STAG1: variants seen among roughly 807,000 people sequenced by gnomAD.
The protein encoded by STAG1 is cohesin subunit SA-1.
STAG1 carries 26 observed loss-of-function variants against 170.9 expected under a neutral mutation model. The observed-to-expected ratio is 0.15, with a 90% CI of 0.11 to 0.21. The LOEUF (loss-of-function observed/expected upper bound fraction) is 0.21, where lower values mean the gene tolerates loss of function less well. STAG1 is among the 10% of genes least tolerant of loss of function. STAG1 has a pLI of 1.00. For missense variants in STAG1, 964 were observed against 1,509.5 expected (o/e 0.64, Z 5.99); for synonymous variants, 514 against 497.7 (o/e 1.03, Z -0.44).
At position 136,725,368 on chromosome 3, in the gene STAG1, T is replaced by C. The variant is rs1933601895; in HGVS notation, c.-84+26827A>G. ...ATCTGACTAGCTTGACCAATGATCA[T>C]CAGTTGAGCTATTAACATTGCTGGT... is the stretch of plus-strand genomic sequence containing the variant. On this transcript the variant is annotated intron_variant, in intron 1 of 33. Transcript: ENST00000383202. Among the ~76,000 whole-genome samples the C allele has an allele frequency of 3.3e-5, 5 of 152,296 alleles. No homozygotes were observed. In the South Asian group the frequency reaches 1.0e-3, roughly 32 times the overall value.
rs1935725287 is a variant in STAG1, at chr3:136,337,374, A to G, written c.*880T>C. 6.6e-6 allele frequency: 1 copy of G among 152,662 alleles called. No individual in the cohort carries two copies. Among genetic ancestry groups the G allele is most frequent in the Admixed American group, 6.5e-5 (1 of 15,282 alleles). The allele number at this position is 152,662 out of a possible 1,614,324, so 9.5% of individuals were successfully genotyped here. ...AGGGCATGAAATAAGTGGTAAAAAC[A>G]GCAAACTGATAACTTGAGAATCATT... On this transcript the variant is annotated 3_prime_UTR_variant, in exon 34 of 34. Coordinates refer to ENST00000383202, the MANE Select transcript of STAG1 (RefSeq NM_005862.3).
intron 10 of STAG1, among the ~76,000 whole-genome samples, chr3:136,476,061 T>G (rs1269426582): frequency 6.6e-6 from 1 of 152,222 alleles, no homozygotes; most frequent in Non-Finnish European, 1.5e-5. Context: ...AGTGAGAATC[T>G]TGAACTCCCC....
intron 4 of STAG1, among the ~76,000 whole-genome samples, chr3:136,580,761 C>T (rs1227263120): frequency 2.0e-5 from 3 of 150,946 alleles, no homozygotes; most frequent in East Asian, 2.0e-4. Context: ...TCTCGATCTC[C>T]TGACCTCATG....
intron 14 of STAG1, among the ~76,000 whole-genome samples, chr3:136,449,211 T>C (rs1258297745): frequency 6.6e-6 from 1 of 152,070 alleles, no homozygotes; most frequent in Non-Finnish European, 1.5e-5. Flanking sequence ...CATGAATCAT[T>C]AGAATCAACC....
intron 1 of STAG1, among the ~76,000 whole-genome samples, chr3:136,751,809 G>GGGGGGGGC (rs1491421157): frequency 7.3e-5 from 4 of 54,538 alleles, no homozygotes; most frequent in South Asian, 5.1e-4. Flanking sequence ...GAGCCCGGGC[G>GGGGGGGGC]GGGGGGGGCG....
At chr3:136,435,554 TA>T (rs1230704834) in intron 15 of STAG1, among the ~76,000 whole-genome samples, 12 of 152,012 alleles carry the variant, frequency 7.9e-5, no homozygotes, top group African/African-American at 2.7e-4. Flanking sequence ...CTAGTACCAT[TA>T]AAAAAAATGA....
intron 1 of STAG1, among the ~76,000 whole-genome samples, chr3:136,705,644 A>G (rs1943208548): frequency 6.7e-6 from 1 of 149,450 alleles, no homozygotes; most frequent in South Asian, 2.1e-4. Flanking sequence ...TATAAAGAAG[A>G]GCTTTCCTGC....
intron 1 of STAG1, among the ~76,000 whole-genome samples, chr3:136,632,630 A>G (rs530865798): frequency 6.0e-4 from 92 of 152,230 alleles, no homozygotes; most frequent in African/African-American, 2.0e-3. Context: ...TAGAATAAAG[A>G]GTCTAAGGAG....
intron 1 of STAG1, among the ~76,000 whole-genome samples, chr3:136,641,902 T>G (rs1224047884): frequency 6.6e-6 from 1 of 152,204 alleles, no homozygotes; most frequent in East Asian, 1.9e-4. Context: ...TATTAAAGTA[T>G]GACATTATTT....
chr3:136,687,484 G>A (rs974270952), intron 1 of STAG1, among the ~76,000 whole-genome samples: 3 of 150,576 alleles, frequency 2.0e-5, no homozygotes, highest in African/African-American at 7.3e-5. Context: ...GGTGAAGCAG[G>A]GAATCTGCAT....
intron 5 of STAG1, among the ~76,000 whole-genome samples, chr3:136,564,136 T>C (rs1936963566): frequency 6.6e-6 from 1 of 152,214 alleles, no homozygotes; most frequent in African/African-American, 2.4e-5. Flanking sequence ...TCAATCACTG[T>C]CTTATATATG....
At position 136,524,806 on chromosome 3, in the gene STAG1, G is replaced by A. The variant is rs189288263; in HGVS notation, c.472-3389C>T. On this transcript the variant is annotated intron_variant, in intron 6 of 33. Coordinates refer to ENST00000383202, the MANE Select transcript of STAG1 (RefSeq NM_005862.3). ...ATTTATTGAGAGTTTTTAGCATGAA[G>A]GCTGTTGAATTTTGTCAAAGGCCTT... Among the ~76,000 whole-genome samples, 858 of 152,250 alleles carry A rather than the reference G, an allele frequency of 5.6e-3. 7 individuals carry two copies. The highest frequency in any genetic ancestry group is 0.019 in the African/African-American group (801 of 41,540).
Position 136,590,158 on chromosome 3 carries a change from A to C in STAG1, c.297+14151T>G, listed in dbSNP as rs769621173. Among the ~76,000 whole-genome samples, 282 of 151,264 alleles carry C rather than the reference A, an allele frequency of 1.9e-3. 2 individuals carry two copies. The highest frequency in any genetic ancestry group is 0.01 in the Middle Eastern group (3 of 292). ...AAATAAAAATACATGTATCTCTGAGAAACAGAAGACAATTCAAACACTTCA... is the reference window on the plus strand; with the variant it reads ...AAATAAAAATACATGTATCTCTGAGCAACAGAAGACAATTCAAACACTTCA... On this transcript the variant is annotated intron_variant, in intron 4 of 33. Transcript: ENST00000383202.
At chr3:136,477,884 G>C (rs1379879451) in intron 9 of STAG1, among the ~76,000 whole-genome samples, 1 of 152,146 alleles carries the variant, frequency 6.6e-6, no homozygotes, top group East Asian at 1.9e-4. Context: ...TCTGCCTCCA[G>C]GTTCAAGTGA....
chr3:136,636,866 T>C (rs1036567481), intron 1 of STAG1, among the ~76,000 whole-genome samples: 4 of 152,264 alleles, frequency 2.6e-5, no homozygotes, highest in African/African-American at 9.6e-5. Flanking sequence ...GGGAGCAAGG[T>C]AAGAACAAAC....
At chr3:136,395,401 T>G (rs2087119876) in intron 22 of STAG1, among the ~76,000 whole-genome samples, 1 of 152,110 alleles carries the variant, frequency 6.6e-6, no homozygotes, top group South Asian at 2.1e-4. Context: ...GGTGGGTGGA[T>G]CACTTGAGGT....
chr3:136,634,819 A>G (rs1940487561), intron 1 of STAG1, among the ~76,000 whole-genome samples: 1 of 152,176 alleles, frequency 6.6e-6, no homozygotes, highest in Non-Finnish European at 1.5e-5. Flanking sequence ...TCTTTAAATA[A>G]AATGACTTTT....
intron 4 of STAG1, among the ~76,000 whole-genome samples, chr3:136,573,696 G>A (rs1576622236): frequency 6.6e-6 from 1 of 152,174 alleles, no homozygotes; most frequent in East Asian, 1.9e-4. Flanking sequence ...CAACTGGCCG[G>A]GCATGGTGGC....
intron 3 of STAG1, among the ~76,000 whole-genome samples, chr3:136,618,766 TATC>T (rs1939708391): frequency 1.5e-5 from 2 of 137,176 alleles, no homozygotes; most frequent in Admixed American, 1.6e-4. Flanking sequence ...GATGTATAGA[TATC>T]ATTCTTATAT....
Sources: gnomAD v4.1 joint callset for allele counts (sites outside exome capture counted in the v4.1 genomes callset) on GRCh38, gnomAD v4.1.1 for gene constraint, MANE v1.5 for transcripts, NCBI Gene and HGNC (gene_info 2026-07-23, HGNC 2026-07-21) for gene names.